DSCAML1: variants seen among roughly 807,000 people sequenced by gnomAD.
DSCAML1 encodes DS cell adhesion molecule like 1, also known as cell adhesion molecule DSCAML1.
A neutral mutation model predicts 200.5 loss-of-function variants in DSCAML1; 38 were observed. The ratio of observed to expected loss-of-function variants is 0.19; its 90% CI spans 0.15 to 0.25. The LOEUF (loss-of-function observed/expected upper bound fraction) is 0.25. Among genes scored for constraint, DSCAML1 ranks in the 10% least tolerant of loss-of-function variants. DSCAML1 has a pLI of 1.00. For synonymous variants in DSCAML1, 1,215 were observed against 1,165.0 expected (o/e 1.04, Z -0.87); for missense variants, 2,223 against 2,858.8 (o/e 0.78, Z 5.07).
rs374991121 is a variant in DSCAML1 at position 117,780,704 on chromosome 11, G to C, written c.153C>G (p.Gly51=). The change falls in exon 2 of 33, where the codon GGC becomes GGG. Residue 51 remains glycine, a synonymous_variant. Transcript: ENST00000651296. The surrounding 1 kb of genome is among the most constrained non-coding windows in gnomAD (Gnocchi z 4.8). ...VGVVVPCPAA[G]SPSAALRWYL... is the part of the protein sequence containing the mutation. ...ACCATCGAAGGGCCGCGCTGGGGGA[G>C]CCCGCGGCCGGGCAGGGCACCACCA... 2 of 1,582,084 alleles carry C rather than the reference G, an allele frequency of 1.3e-6. No individual in the cohort carries two copies. Among genetic ancestry groups the C allele is most frequent in the Non-Finnish European group, 1.7e-6 (2 of 1,162,976 alleles).
At chr11:117,433,628 C>T (rs759783554) in intron 27 of DSCAML1, among the ~76,000 whole-genome samples, 157 bp from the exon 28 acceptor site, 6 of 152,288 alleles carry the variant, frequency 3.9e-5, no homozygotes, top group Middle Eastern at 3.4e-3. Context: ...ACCTACAAAA[C>T]AGCCCAAAAC....
chr11:117,578,222 C>T (rs148162436), intron 3 of DSCAML1, among the ~76,000 whole-genome samples: 5 of 106,864 alleles, frequency 4.7e-5, no homozygotes, highest in African/African-American at 1.5e-4. Context: ...GCAACAAGAG[C>T]GAAACTCTGT....
chr11:117,799,551 G>A (rs564160699), upstream of DSCAML1, among the ~76,000 whole-genome samples: 25 of 152,342 alleles, frequency 1.6e-4, no homozygotes, highest in African/African-American at 4.6e-4. Flanking sequence ...TGGCTGTCCC[G>A]GGAGGAGACA....
intron 12 of DSCAML1, 68 bp downstream of exon 12, chr11:117,481,895 T>C (rs924018065): frequency 1.8e-5 from 28 of 1,584,202 alleles, no homozygotes; most frequent in Middle Eastern, 3.4e-4. Context: ...TGGATGCAGA[T>C]GTGATAGCTG....
chr11:117,728,544 T>C (rs2054170511), intron 3 of DSCAML1, among the ~76,000 whole-genome samples: 1 of 151,924 alleles, frequency 6.6e-6, no homozygotes, highest in Non-Finnish European at 1.5e-5. Context: ...AAAAAACCCT[T>C]AGGAATTCAT....
chr11:117,474,815 C>G (rs928110272), intron 14 of DSCAML1, among the ~76,000 whole-genome samples: 1 of 149,540 alleles, frequency 6.7e-6, no homozygotes, highest in Admixed American at 6.7e-5. Flanking sequence ...AGTGCAGTGG[C>G]GCGATCTCGG....
intron 3 of DSCAML1, among the ~76,000 whole-genome samples, chr11:117,700,258 A>G (rs974274337): frequency 6.6e-6 from 1 of 152,186 alleles, no homozygotes; most frequent in Non-Finnish European, 1.5e-5. Flanking sequence ...AGCCCCATGA[A>G]GTAGGATGGG....
intron 3 of DSCAML1, among the ~76,000 whole-genome samples, chr11:117,667,623 G>A (rs1262930155): frequency 6.6e-6 from 1 of 152,132 alleles, no homozygotes; most frequent in Non-Finnish European, 1.5e-5. Flanking sequence ...TTTGCATCCA[G>A]GACTCAGTTT....
intron 20 of DSCAML1, among the ~76,000 whole-genome samples, chr11:117,445,227 A>G (rs1364590239): frequency 6.6e-6 from 1 of 152,212 alleles, no homozygotes. Flanking sequence ...CTGCAGGGAA[A>G]TGTTAGGGGA....
At chr11:117,670,261 T>C (rs1249269961) in intron 3 of DSCAML1, among the ~76,000 whole-genome samples, 1 of 152,034 alleles carries the variant, frequency 6.6e-6, no homozygotes, top group Non-Finnish European at 1.5e-5. Flanking sequence ...TTGCCAGGCT[T>C]ACCAGTCTGC....
chr11:117,646,374 C>A (rs562201456), intron 3 of DSCAML1, among the ~76,000 whole-genome samples: 1 of 152,100 alleles, frequency 6.6e-6, no homozygotes, highest in Non-Finnish European at 1.5e-5. Flanking sequence ...GCCAGAAGTG[C>A]CTGATGGGAA....
chr11:117,757,573 T>TACAC lies in DSCAML1; in HGVS notation c.511+19214_511+19217dup, dbSNP rs5795104. Among the ~76,000 whole-genome samples the TACAC allele has an allele frequency of 5.5e-3, 802 of 146,886 alleles. 6 individuals carry two copies. The highest frequency in any genetic ancestry group is 0.014 in the Middle Eastern group (4 of 288). On this transcript the variant is annotated intron_variant, in intron 3 of 32. Coordinates refer to ENST00000651296, the MANE Select transcript of DSCAML1 (RefSeq NM_020693.4). ...GCATTTTTAACCAATTAGGAGCCTA[T>TACAC]ACACACACACACACACACACACACA... is the stretch of plus-strand genomic sequence containing the variant.
chr11:117,720,646 G>C (rs1296355619), intron 3 of DSCAML1, among the ~76,000 whole-genome samples: 3 of 152,214 alleles, frequency 2.0e-5, no homozygotes, highest in Admixed American at 6.5e-5. Context: ...CGGTGTCTAA[G>C]TCTTGGACTT....
intron 19 of DSCAML1, among the ~76,000 whole-genome samples, chr11:117,453,187 G>A (rs929914963): frequency 3.3e-5 from 5 of 152,108 alleles, no homozygotes; most frequent in African/African-American, 7.2e-5. Flanking sequence ...CACCGGCCTC[G>A]GCCTCCCAAA....
chr11:117,452,654 T>C (rs375887543), intron 19 of DSCAML1, among the ~76,000 whole-genome samples: 1 of 152,242 alleles, frequency 6.6e-6, no homozygotes, highest in African/African-American at 2.4e-5. Context: ...ATACTTTCTA[T>C]TTGTCTCATC....
At position 117,428,220 on chromosome 11, in the gene DSCAML1, T is replaced by C. The variant is rs769942325; in HGVS notation, c.*108A>G. The C allele has an allele frequency of 2.6e-5, 18 of 697,254 alleles. No homozygotes were observed. Among genetic ancestry groups the C allele is most frequent in the African/African-American group, 5.7e-5 (3 of 52,672 alleles). The allele number at this position is 697,254 out of a possible 1,614,324, so 43.2% of individuals were successfully genotyped here. A position where few individuals can be genotyped will look rare whatever the true frequency, so the allele number is the denominator to read the frequency against. ...TTGGGGGTTTTTGTTTTGTCGTTGG[T>C]TGGTTTTTGTCTGTCAGTTGAATAT... On this transcript the variant is annotated 3_prime_UTR_variant, in exon 33 of 33. Coordinates refer to ENST00000651296, the MANE Select transcript of DSCAML1 (RefSeq NM_020693.4).
intron 3 of DSCAML1, among the ~76,000 whole-genome samples, chr11:117,591,712 C>T (rs1316821461): frequency 4.6e-5 from 7 of 152,198 alleles, no homozygotes; most frequent in African/African-American, 7.2e-5. Context: ...CCAGCATCTA[C>T]GTCCCTCTTT....
chr11:117,687,345 C>T (rs545337529), intron 3 of DSCAML1, among the ~76,000 whole-genome samples: 8 of 151,658 alleles, frequency 5.3e-5, no homozygotes, highest in African/African-American at 7.3e-5. Context: ...ACTGCAGCTT[C>T]GAACTCCTGA....
intron 3 of DSCAML1, among the ~76,000 whole-genome samples, chr11:117,594,670 C>T (rs2051326112): frequency 6.6e-6 from 1 of 152,188 alleles, no homozygotes; most frequent in Non-Finnish European, 1.5e-5. Context: ...CCTCCTCTGG[C>T]TTTGGCTATC....
Sources: gnomAD v4.1 joint callset for allele counts (sites outside exome capture counted in the v4.1 genomes callset) on GRCh38, gnomAD v4.1.1 for gene constraint, Gnocchi (gnomAD v3.1) non-coding constraint, MANE v1.5 for transcripts, NCBI Gene and HGNC (gene_info 2026-07-23, HGNC 2026-07-21) for gene names.